GRID2: variants seen among roughly 807,000 people sequenced by gnomAD.
The protein encoded by GRID2 is glutamate receptor ionotropic, delta-2.
Under a neutral mutation model 114.8 loss-of-function variants are expected in GRID2, and 33 were observed. The ratio of observed to expected loss-of-function variants is 0.29; its 90% CI spans 0.22 to 0.38. GRID2 has a LOEUF of 0.38. Ranked by LOEUF, GRID2 falls within the 10% of genes least tolerant of loss-of-function variation. The pLI is 1.00. For synonymous variants in GRID2, 505 were observed against 449.9 expected, an observed-to-expected ratio of 1.12 and a Z score of -1.55; for missense variants, 1,184 against 1,257.7, an observed-to-expected ratio of 0.94 and a Z score of 0.89.
At chr4:92,739,711 C>A (rs1426804400) in intron 2 of GRID2, among the ~76,000 whole-genome samples, 1 of 151,942 alleles carries the variant, frequency 6.6e-6, no homozygotes, top group African/African-American at 2.4e-5. Flanking sequence ...TGTGTAATAA[C>A]ATTGAAAATA....
intron 2 of GRID2, among the ~76,000 whole-genome samples, chr4:93,043,895 C>G (rs2149272338): frequency 6.6e-6 from 1 of 151,388 alleles, no homozygotes; most frequent in Non-Finnish European, 1.5e-5. Flanking sequence ...CACATGTACC[C>G]TAGAACTTAA....
At chr4:93,372,763 A>G (rs1763051168) in intron 8 of GRID2, among the ~76,000 whole-genome samples, 2 of 152,328 alleles carry the variant, frequency 1.3e-5, no homozygotes, top group African/African-American at 2.4e-5. Flanking sequence ...TAAGCACAAT[A>G]CAATAGTATA....
intron 14 of GRID2, among the ~76,000 whole-genome samples, chr4:93,728,468 T>A (rs1730154551): frequency 6.6e-6 from 1 of 152,148 alleles, no homozygotes; most frequent in Admixed American, 6.5e-5. Context: ...TTCTGTTGAT[T>A]TGGGGTGGAG....
rs867928335 is a variant in GRID2 at position 93,407,748 on chromosome 4, C to G, written c.1347+12040C>G. Among the ~76,000 whole-genome samples, 824 of 112,434 alleles carry G rather than the reference C, an allele frequency of 7.3e-3. 17 individuals are homozygous for G. Among genetic ancestry groups the G allele is most frequent in the African/African-American group, 0.03 (745 of 24,776 alleles). 73.8% of individuals were successfully genotyped at this position (112,434 alleles called of 152,430 possible). A position where few individuals can be genotyped will look rare whatever the true frequency, so the allele number is the denominator to read the frequency against. ...TCTCCTCCTCCTCCTCCTCCTCCTC[C>G]TCCTCCTCGTCCTCCTCCTCCTCCT... On this transcript the variant is annotated intron_variant, in intron 9 of 15. Coordinates refer to ENST00000282020, the MANE Select transcript of GRID2 (RefSeq NM_001510.4).
chr4:93,124,803 C>A (rs961141561), intron 4 of GRID2, among the ~76,000 whole-genome samples: 11 of 151,954 alleles, frequency 7.2e-5, no homozygotes, highest in African/African-American at 2.4e-4. Context: ...AAATTAAGGT[C>A]AATTTGCTTT....
chr4:93,053,028 G>A (rs13109062), intron 2 of GRID2, among the ~76,000 whole-genome samples: 57,289 of 151,686 alleles, frequency 0.38, 11,297 homozygotes, highest in Admixed American at 0.5. Flanking sequence ...ATAGCATCAG[G>A]TACCATCGGT....
intron 1 of GRID2, among the ~76,000 whole-genome samples, chr4:92,586,283 A>G (rs1039903927): frequency 6.6e-6 from 1 of 151,780 alleles, no homozygotes; most frequent in African/African-American, 2.4e-5. Flanking sequence ...TAAAAGGCAT[A>G]TTTGTGAATG....
chr4:93,190,218 G>A (rs1344036595), intron 4 of GRID2, among the ~76,000 whole-genome samples: 3 of 151,876 alleles, frequency 2.0e-5, no homozygotes, highest in African/African-American at 7.3e-5. Context: ...AAACTGTATT[G>A]TCTTTATATA....
chr4:92,417,507 CT>C (rs1731672431), intron 1 of GRID2, among the ~76,000 whole-genome samples: 2 of 152,106 alleles, frequency 1.3e-5, no homozygotes, highest in East Asian at 3.9e-4. Context: ...GGAACTAACG[CT>C]CCAGTAGAGT....
At chr4:93,106,901 C>A (rs761097978) in intron 3 of GRID2, among the ~76,000 whole-genome samples, 64 of 152,048 alleles carry the variant, frequency 4.2e-4, no homozygotes, top group Admixed American at 1.1e-3. Flanking sequence ...TCTTTACTAA[C>A]AATAAAGGAA....
chr4:92,429,003 T>C (rs938697951), intron 1 of GRID2, among the ~76,000 whole-genome samples: 5 of 152,194 alleles, frequency 3.3e-5, no homozygotes, highest in Non-Finnish European at 7.3e-5. Context: ...CTTCTAATGC[T>C]ATCCCTCCCT....
intron 1 of GRID2, among the ~76,000 whole-genome samples, chr4:93,790,600 G>A (rs1158543615): frequency 2.7e-5 from 4 of 150,462 alleles, no homozygotes; most frequent in Non-Finnish European, 4.4e-5. Flanking sequence ...AGGCTGCAGT[G>A]CAGTGGCATG....
At chr4:93,477,290 G>A (rs990381490) in intron 11 of GRID2, among the ~76,000 whole-genome samples, 3 of 151,890 alleles carry the variant, frequency 2.0e-5, no homozygotes, top group Non-Finnish European at 4.4e-5. Flanking sequence ...TAGCCTAATC[G>A]CCCCTTAAAG....
chr4:93,607,313 C>A (rs377709503), intron 13 of GRID2, among the ~76,000 whole-genome samples: 4 of 152,170 alleles, frequency 2.6e-5, no homozygotes, highest in African/African-American at 9.6e-5. Flanking sequence ...ATTATAAATA[C>A]TTTCTGTGTC....
intron 1 of GRID2, among the ~76,000 whole-genome samples, chr4:92,475,456 T>A (rs1308280742): frequency 1.3e-5 from 2 of 151,726 alleles, no homozygotes; most frequent in Admixed American, 6.6e-5. Context: ...GTTGTTGACA[T>A]CTTGGTCAAA....
intron 6 of GRID2, among the ~76,000 whole-genome samples, chr4:93,221,633 C>T (rs990961052): frequency 2.6e-5 from 4 of 151,908 alleles, no homozygotes; most frequent in African/African-American, 9.7e-5. Flanking sequence ...AGTCAAAGGC[C>T]TTACAAATAA....
intron 2 of GRID2, among the ~76,000 whole-genome samples, chr4:92,809,367 G>A (rs941328978): frequency 6.6e-6 from 1 of 151,838 alleles, no homozygotes; most frequent in Non-Finnish European, 1.5e-5. Context: ...TTACTATCAT[G>A]GAATGTGGAA....
chr4:93,110,827 C>T lies in GRID2; in HGVS notation c.609C>T (p.Asn203=). The change falls in exon 4 of 16, where the codon AAC becomes AAT. Residue 203 remains asparagine, a synonymous_variant. Coordinates refer to ENST00000282020, the MANE Select transcript of GRID2 (RefSeq NM_001510.4). ...TTGCACTTCAGAAGGTAGAAAACAA[C>T]ATCAATAAAATGATTACCACTCTCT... ...MDVALQKVEN[N]INKMITTLFD... The T allele has an allele frequency of 2.5e-6, 4 of 1,611,470 alleles. No individual in the cohort carries two copies. Among genetic ancestry groups the T allele is most frequent in the Non-Finnish European group, 3.4e-6 (4 of 1,177,616 alleles).
At position 92,336,954 on chromosome 4, in the gene GRID2, GTT is replaced by G. The variant is rs59093874; in HGVS notation, c.88+32230_88+32231del. Reference sequence around the variant, plus strand: ...GGACCAAGTCAGGTCTTTCGTTGTTGTTTTTTTTTTTTTTTTTTTTTCATGAA... The same window carrying G: ...GGACCAAGTCAGGTCTTTCGTTGTTGTTTTTTTTTTTTTTTTTTTCATGAA... On this transcript the variant is annotated intron_variant, in intron 1 of 15. Transcript: ENST00000282020. 6.4e-5 allele frequency among the ~76,000 whole-genome samples: 5 copies of G among 78,184 alleles called. No homozygotes were observed. In the Admixed American group the frequency reaches 9.1e-4, roughly 14 times the overall value. 51.3% of individuals were successfully genotyped at this position (78,184 alleles called of 152,430 possible).
Sources: allele counts gnomAD v4.1 joint callset (sites outside exome capture counted in the v4.1 genomes callset), GRCh38; gene constraint gnomAD v4.1.1; transcripts MANE v1.5; gene names NCBI Gene and HGNC (gene_info 2026-07-23, HGNC 2026-07-21).